The following RIMS1 variants were observed in gnomAD, a reference collection of about 807,000 sequenced individuals.
RIMS1 encodes regulating synaptic membrane exocytosis 1, also known as regulating synaptic membrane exocytosis protein 1.
RIMS1 carries 83 observed loss-of-function variants against 214.1 expected under a neutral mutation model. The ratio of observed to expected loss-of-function variants is 0.39; its 90% CI spans 0.32 to 0.47. The LOEUF is 0.47. Ranked by LOEUF, RIMS1 falls within the 20% of genes least tolerant of loss-of-function variation. The pLI is 0.99. For missense variants in RIMS1, 2,050 were observed against 2,161.8 expected (o/e 0.95, Z 1.03); for synonymous variants, 793 against 786.8 (o/e 1.01, Z -0.13).
At chr6:72,243,170 C>T (rs1442635357) in intron 10 of RIMS1, among the ~76,000 whole-genome samples, 1 of 151,578 alleles carries the variant, frequency 6.6e-6, no homozygotes, top group African/African-American at 2.4e-5. Context: ...TGAATGTGTT[C>T]TTGGAAATGA....
chr6:71,952,103 T>C (rs1298661674), intron 1 of RIMS1, among the ~76,000 whole-genome samples: 1 of 152,208 alleles, frequency 6.6e-6, no homozygotes, highest in East Asian at 1.9e-4. Flanking sequence ...ATGTCTAATG[T>C]ACAGTGTTAT....
At chr6:72,348,871 A>C (rs1461156330) in intron 29 of RIMS1, among the ~76,000 whole-genome samples, 1 of 152,014 alleles carries the variant, frequency 6.6e-6, no homozygotes, top group Non-Finnish European at 1.5e-5. Context: ...AATAATAATG[A>C]TTGATAAAGA....
At chr6:72,199,777 C>T (rs1047886757) in intron 6 of RIMS1, among the ~76,000 whole-genome samples, 1 of 152,008 alleles carries the variant, frequency 6.6e-6, no homozygotes, top group Non-Finnish European at 1.5e-5. Context: ...AGCATCTTGT[C>T]TTTAATCAGT....
chr6:71,937,607 A>G (rs1231319465), intron 1 of RIMS1, among the ~76,000 whole-genome samples: 1 of 152,054 alleles, frequency 6.6e-6, no homozygotes, highest in Non-Finnish European at 1.5e-5. Flanking sequence ...TTTTTGCTGC[A>G]TCATAACATG....
intron 16 of RIMS1, among the ~76,000 whole-genome samples, chr6:72,256,123 A>C (rs1359530946): frequency 6.6e-6 from 1 of 152,044 alleles, no homozygotes; most frequent in Non-Finnish European, 1.5e-5. Flanking sequence ...AGAAAATCAA[A>C]TTTTTTGTAA....
At chr6:72,214,795 C>T (rs770830137) in intron 6 of RIMS1, among the ~76,000 whole-genome samples, 7 of 151,702 alleles carry the variant, frequency 4.6e-5, no homozygotes, top group African/African-American at 1.2e-4. Flanking sequence ...GATCTTGGCT[C>T]GTTGCAACCT....
chr6:72,381,042 G>C (rs574542576), intron 29 of RIMS1, among the ~76,000 whole-genome samples: 1 of 152,312 alleles, frequency 6.6e-6, no homozygotes, highest in East Asian at 1.9e-4. Context: ...AAATGCCATA[G>C]ACTGGATGGC....
chr6:72,228,810 A>G (rs543930506), intron 6 of RIMS1, among the ~76,000 whole-genome samples: 7 of 152,006 alleles, frequency 4.6e-5, no homozygotes, highest in Admixed American at 3.9e-4. Context: ...CCACATTCTC[A>G]TCAACACTGA....
intron 2 of RIMS1, among the ~76,000 whole-genome samples, chr6:71,997,591 A>C (rs1003224348): frequency 6.6e-6 from 1 of 152,240 alleles, no homozygotes; most frequent in Admixed American, 6.5e-5. Flanking sequence ...GTGTTATTGC[A>C]TAAGAACTGC....
chr6:72,117,061 G>A (rs1349820001), intron 4 of RIMS1, among the ~76,000 whole-genome samples: 2 of 151,908 alleles, frequency 1.3e-5, no homozygotes, highest in East Asian at 3.9e-4. Context: ...TTGTCTTGGA[G>A]AATTCCGTTC....
At chr6:72,335,983 A>G (rs1470076994) in intron 29 of RIMS1, among the ~76,000 whole-genome samples, 1 of 151,856 alleles carries the variant, frequency 6.6e-6, no homozygotes, top group African/African-American at 2.4e-5. Context: ...CCTTTGTCAG[A>G]TGGATAGATT....
chr6:72,318,987 C>T (rs1046642257), intron 28 of RIMS1, among the ~76,000 whole-genome samples: 1 of 151,874 alleles, frequency 6.6e-6, no homozygotes, highest in African/African-American at 2.4e-5. Context: ...ACCATACTGC[C>T]AGAAATAGTT....
intron 27 of RIMS1, among the ~76,000 whole-genome samples, chr6:72,309,334 T>C (rs1232819301): frequency 6.6e-6 from 1 of 152,036 alleles, no homozygotes; most frequent in Non-Finnish European, 1.5e-5. Context: ...ACTCAAAATC[T>C]TCTACTCCAG....
At chr6:72,257,318 A>G (rs1049792588) in intron 16 of RIMS1, among the ~76,000 whole-genome samples, 5 of 151,924 alleles carry the variant, frequency 3.3e-5, no homozygotes, top group Non-Finnish European at 7.4e-5. Context: ...TTACTGTCTT[A>G]TCTTAACTAA....
intron 6 of RIMS1, among the ~76,000 whole-genome samples, chr6:72,204,084 C>G (rs1235868201): frequency 6.6e-6 from 1 of 152,184 alleles, no homozygotes; most frequent in Non-Finnish European, 1.5e-5. Context: ...TTAACCTTCA[C>G]TTTCTGACTG....
intron 2 of RIMS1, among the ~76,000 whole-genome samples, chr6:72,065,414 A>G (rs1208228196): frequency 2.0e-5 from 3 of 152,202 alleles, no homozygotes; most frequent in Non-Finnish European, 4.4e-5. Context: ...AGGTTTGTCA[A>G]AAACCTTTTG....
At chr6:72,200,415 T>A (rs944838453) in intron 6 of RIMS1, among the ~76,000 whole-genome samples, 4 of 152,144 alleles carry the variant, frequency 2.6e-5, no homozygotes, top group Admixed American at 2.6e-4. Context: ...CCACACAAGG[T>A]GAGGAACACA....
chr6:71,890,401 A>AAT (rs1562127010), intron 1 of RIMS1, among the ~76,000 whole-genome samples: 2 of 36,080 alleles, frequency 5.5e-5, no homozygotes, highest in African/African-American at 3.1e-4. Flanking sequence ...TTTGGATGTG[A>AAT]GTGTGTGTGT....
Position 72,064,947 on chromosome 6 carries a change from C to T in RIMS1, c.246-32002C>T, listed in dbSNP as rs532921337. 1.4e-3 allele frequency among the ~76,000 whole-genome samples: 211 copies of T among 152,300 alleles called. 1 individual carries two copies. Among genetic ancestry groups the T allele is most frequent in the African/African-American group, 4.8e-3 (201 of 41,548 alleles). Reference sequence around the variant, plus strand: ...GCTGTAACAGGCGTGGTGTATACTACAGTCACCTCTTTAAAATATTGTTAT... The same window carrying T: ...GCTGTAACAGGCGTGGTGTATACTATAGTCACCTCTTTAAAATATTGTTAT... On this transcript the variant is annotated intron_variant, in intron 2 of 33. Coordinates refer to ENST00000521978, the MANE Select transcript of RIMS1 (RefSeq NM_014989.7).
Sources: allele counts gnomAD v4.1 joint callset (sites outside exome capture counted in the v4.1 genomes callset), GRCh38; gene constraint gnomAD v4.1.1; transcripts MANE v1.5; gene names NCBI Gene and HGNC (gene_info 2026-07-23, HGNC 2026-07-21).